The following TSPEAR variants were observed in gnomAD, a reference collection of about 807,000 sequenced individuals.
The protein encoded by TSPEAR is thrombospondin type laminin G domain and EAR repeats, also known as thrombospondin-type laminin G domain and EAR repeat-containing protein.
In TSPEAR, 69 loss-of-function variants were observed where a neutral mutation model predicts 71.6. The ratio of observed to expected loss-of-function variants is 0.96; its 90% CI spans 0.79 to 1.18. The LOEUF (loss-of-function observed/expected upper bound fraction) is 1.18. TSPEAR is among the 50% of genes most tolerant of loss of function. TSPEAR has a pLI of 0.00. For missense variants in TSPEAR, 971 were observed against 894.9 expected, an observed-to-expected ratio of 1.09 and a Z score of -1.09; for synonymous variants, 402 against 387.2, an observed-to-expected ratio of 1.04 and a Z score of -0.45.
At chr21:44,660,610 TA>T (rs1985432001) in intron 1 of TSPEAR, among the ~76,000 whole-genome samples, 1 of 152,184 alleles carries the variant, frequency 6.6e-6, no homozygotes, top group South Asian at 2.1e-4. Context: ...AAGAAATTCT[TA>T]AAAAATTTCT....
chr21:44,658,328 G>C (rs1255677969), intron 1 of TSPEAR: 1 of 1,533,736 alleles, frequency 6.5e-7, no homozygotes, highest in South Asian at 1.2e-5. Flanking sequence ...ATAAGCATCT[G>C]GTGGACCCCC....
At chr21:44,654,577 G>GC in intron 1 of TSPEAR, 1 of 1,601,194 alleles carries the variant, frequency 6.2e-7, no homozygotes, top group Non-Finnish European at 8.5e-7. Flanking sequence ...GCCAGGGCAG[G>GC]CCATTGGGCA....
chr21:44,684,570 T>A (rs1484323793), intron 1 of TSPEAR, among the ~76,000 whole-genome samples: 1 of 152,174 alleles, frequency 6.6e-6, no homozygotes, highest in Non-Finnish European at 1.5e-5. Flanking sequence ...TGAAAATCTG[T>A]TCAGAGGAAC....
intron 1 of TSPEAR, among the ~76,000 whole-genome samples, chr21:44,709,892 C>T (rs946115097): frequency 4.2e-4 from 64 of 152,258 alleles, no homozygotes; most frequent in Non-Finnish European, 1.6e-4. Context: ...ATATTACTTA[C>T]TTGACTTTTA....
At chr21:44,549,127 C>G (rs1323568849) in intron 2 of TSPEAR, among the ~76,000 whole-genome samples, 8 of 152,206 alleles carry the variant, frequency 5.3e-5, no homozygotes, top group Non-Finnish European at 1.2e-4. Flanking sequence ...TCGGACCACA[C>G]AATCTAAGCT....
chr21:44,680,318 T>A (rs782813759), intron 1 of TSPEAR, among the ~76,000 whole-genome samples: 20 of 152,280 alleles, frequency 1.3e-4, no homozygotes, highest in African/African-American at 4.8e-4. Context: ...ATCAGGGAAC[T>A]TCAGATCAAA....
At chr21:44,651,979 C>CTTTTTTTT (rs60867977) in intron 1 of TSPEAR, among the ~76,000 whole-genome samples, 2 of 124,514 alleles carry the variant, frequency 1.6e-5, no homozygotes, top group African/African-American at 3.1e-5. Context: ...ATAAAACTTT[C>CTTTTTTTT]TTTTTTTTTT....
In TSPEAR at chr21:44,628,219, C is replaced by T. The variant is rs587666529; in HGVS notation, c.83-60214G>A. ...TCACTGGCTCCTCCCTGACCTCCCC[C>T]CCGGGCAGGCGAGCCCTGGCTTCTC... is the stretch of plus-strand genomic sequence containing the variant. On this transcript the variant is annotated intron_variant, in intron 1 of 11. Transcript: ENST00000323084. 414 of 761,206 alleles carry T rather than the reference C, an allele frequency of 5.4e-4. 5 individuals are homozygous for T. The African/African-American group carries it at 6.5e-3, about 12-fold the overall frequency. The allele number at this position is 761,206 out of a possible 1,614,324, so 47.2% of individuals were successfully genotyped here. A position where few individuals can be genotyped will look rare whatever the true frequency, so the allele number is the denominator to read the frequency against.
At chr21:44,602,410 C>A (rs1022013351) in intron 1 of TSPEAR, among the ~76,000 whole-genome samples, 1 of 152,210 alleles carries the variant, frequency 6.6e-6, no homozygotes, top group East Asian at 1.9e-4. Context: ...TGGGGCCTCC[C>A]CAGAAACTGG....
intron 11 of TSPEAR, among the ~76,000 whole-genome samples, chr21:44,500,525 C>T (rs1221571941): frequency 2.6e-5 from 4 of 152,240 alleles, no homozygotes; most frequent in African/African-American, 7.2e-5. Flanking sequence ...GAGTTGTTTA[C>T]ATTTAATATT....
At chr21:44,631,765 G>C (rs1643973365) in intron 1 of TSPEAR, among the ~76,000 whole-genome samples, 2 of 152,148 alleles carry the variant, frequency 1.3e-5, no homozygotes, top group Admixed American at 6.6e-5. Flanking sequence ...ACTGAACAGA[G>C]TTTAACTGGC....
rs201961862 is a variant in TSPEAR at position 44,591,436 on chromosome 21, G to A, written c.83-23431C>T. 1.4e-5 allele frequency: 22 copies of A among 1,613,782 alleles called. No homozygotes were observed. The East Asian group carries it at 1.6e-4, about 11-fold the overall frequency. ...GCAGAGGCTGTAGCAGGCAGGGCGGGAGCACATGGGGCGGCAGAGGAGGGA... is the reference window on the plus strand; with the variant it reads ...GCAGAGGCTGTAGCAGGCAGGGCGGAAGCACATGGGGCGGCAGAGGAGGGA... On this transcript the variant is annotated intron_variant, in intron 1 of 11. Coordinates refer to ENST00000323084, the MANE Select transcript of TSPEAR (RefSeq NM_144991.3).
At chr21:44,681,405 T>A (rs1186728842) in intron 1 of TSPEAR, among the ~76,000 whole-genome samples, 2 of 152,184 alleles carry the variant, frequency 1.3e-5, no homozygotes, top group Non-Finnish European at 2.9e-5. Flanking sequence ...CCAGGAGCCC[T>A]GGGAGAGACC....
chr21:44,607,543 T>C (rs1981390523), intron 1 of TSPEAR, among the ~76,000 whole-genome samples: 1 of 152,238 alleles, frequency 6.6e-6, no homozygotes, highest in African/African-American at 2.4e-5. Flanking sequence ...CTTCACGACG[T>C]TGTGGTAGGC....
chr21:44,699,613 G>A (rs182085146), intron 1 of TSPEAR, among the ~76,000 whole-genome samples: 14 of 152,140 alleles, frequency 9.2e-5, no homozygotes, highest in African/African-American at 2.7e-4. Context: ...TCACTCTGCC[G>A]GCCAGCCCCT....
Position 44,531,045 on chromosome 21 carries a change from T to A in TSPEAR, c.631A>T (p.Met211Leu), listed in dbSNP as rs142562605. 1.2e-6 allele frequency: 2 copies of A among 1,613,420 alleles called. No homozygotes were observed. The highest frequency in any genetic ancestry group is 2.7e-5 in the African/African-American group (2 of 75,044). ...GSRRRAKGLF[M>L]GLVRQLVLLP... is the part of the protein sequence containing the mutation. Reference sequence around the variant, plus strand: ...GAAGGCAGCCCCTCCATACTCGCCATGAACAGGCCTTTGGCTCTCCTCCGG... The same window carrying A: ...GAAGGCAGCCCCTCCATACTCGCCAAGAACAGGCCTTTGGCTCTCCTCCGG... Residue 211 changes from methionine (M) to leucine (L), a missense_variant and splice_region_variant, in exon 4 of 12, where the codon ATG becomes TTG. By Grantham distance (15) the Met-to-Leu change is conservative. Transcript: ENST00000323084.
intron 1 of TSPEAR, among the ~76,000 whole-genome samples, chr21:44,585,613 G>C (rs1979286753): frequency 6.6e-6 from 1 of 152,062 alleles, no homozygotes; most frequent in African/African-American, 2.4e-5. Flanking sequence ...TGAACTGGGG[G>C]TCATGGTGTC....
intron 2 of TSPEAR, among the ~76,000 whole-genome samples, chr21:44,540,418 C>T (rs1555917100): frequency 6.6e-6 from 1 of 152,156 alleles, no homozygotes; most frequent in Admixed American, 6.6e-5. Context: ...TAGCCTGTCC[C>T]ATGTGGATCC....
At chr21:44,550,001 G>A (rs1295185209) in intron 2 of TSPEAR, among the ~76,000 whole-genome samples, 2 of 150,806 alleles carry the variant, frequency 1.3e-5, no homozygotes, top group African/African-American at 4.9e-5. Context: ...CAAGTCTCCC[G>A]CCGTGTCCCA....
Sources: gnomAD v4.1 joint callset for allele counts (sites outside exome capture counted in the v4.1 genomes callset) on GRCh38, gnomAD v4.1.1 for gene constraint, MANE v1.5 for transcripts, NCBI Gene and HGNC (gene_info 2026-07-23, HGNC 2026-07-21) for gene names.